COL14A1: variants seen among roughly 807,000 people sequenced by gnomAD.
The protein encoded by COL14A1 is collagen type XIV alpha 1 chain.
In COL14A1, 136 loss-of-function variants were observed where a neutral mutation model predicts 230.3. That is an observed-to-expected ratio of 0.59 (90% CI 0.51 to 0.68). The LOEUF (loss-of-function observed/expected upper bound fraction) is 0.68. COL14A1 is among the 30% of genes least tolerant of loss of function. COL14A1 has a pLI of 0.00. For synonymous variants in COL14A1, 792 were observed against 784.1 expected, an observed-to-expected ratio of 1.01 and a Z score of -0.17; for missense variants, 1,976 against 2,215.8, an observed-to-expected ratio of 0.89 and a Z score of 2.17.
chr8:120,156,170 A>C (rs1292103888), intron 2 of COL14A1, among the ~76,000 whole-genome samples: 1 of 84,320 alleles, frequency 1.2e-5, no homozygotes, highest in Non-Finnish European at 2.2e-5. Context: ...ATGAAGGGTG[A>C]CTTCTTTTTT....
chr8:120,184,496 C>T (rs1044258608), intron 5 of COL14A1, among the ~76,000 whole-genome samples: 1 of 152,066 alleles, frequency 6.6e-6, no homozygotes, highest in Non-Finnish European at 1.5e-5. Context: ...CTCAAGTGAC[C>T]TGCCCGCCTC....
At chr8:120,246,715 A>AT (rs1352616387) in intron 20 of COL14A1, among the ~76,000 whole-genome samples, 1 of 152,212 alleles carries the variant, frequency 6.6e-6, no homozygotes, top group African/African-American at 2.4e-5. Context: ...CTAAGCAGTG[A>AT]TTAAGGAGTG....
intron 46 of COL14A1, 92 bp from the exon 47 acceptor site, chr8:120,369,238 T>A (rs949776877): frequency 2.2e-6 from 3 of 1,350,332 alleles, no homozygotes; most frequent in Non-Finnish European, 2.9e-6. Flanking sequence ...TAAAAGTTGC[T>A]TCTTCTAAGA....
intron 45 of COL14A1, among the ~76,000 whole-genome samples, chr8:120,354,965 AC>A (rs1433355931): frequency 6.8e-6 from 1 of 147,190 alleles, no homozygotes; most frequent in African/African-American, 2.6e-5. Context: ...TCCCCATTAA[AC>A]CCTGTACTGT....
At chr8:120,188,735 AT>A (rs1215504746) in intron 5 of COL14A1, among the ~76,000 whole-genome samples, 1 of 152,206 alleles carries the variant, frequency 6.6e-6, no homozygotes, top group African/African-American at 2.4e-5. Context: ...CTTTGCTTTA[AT>A]TTTAAATACA....
At chr8:120,294,760 A>G (rs1820474018) in intron 34 of COL14A1, among the ~76,000 whole-genome samples, 1 of 151,854 alleles carries the variant, frequency 6.6e-6, no homozygotes, top group African/African-American at 2.4e-5. Flanking sequence ...CTAAACTATT[A>G]CAAGTGCAAA....
chr8:120,300,262 T>G (rs1820670146), intron 35 of COL14A1, among the ~76,000 whole-genome samples: 1 of 152,178 alleles, frequency 6.6e-6, no homozygotes, highest in Non-Finnish European at 1.5e-5. Context: ...TGATGAAGAG[T>G]TTAAACATTG....
In COL14A1 at chr8:120,315,456, AAAT is replaced by A. The variant is rs1821189168; in HGVS notation, c.4552-73_4552-71del. On this transcript the variant is annotated intron_variant, in intron 38 of 47. Coordinates refer to ENST00000297848, the MANE Select transcript of COL14A1 (RefSeq NM_021110.4). ...ACGCGATTTACTGTGGAAACTATTT[AAAT>A]AATGAGAGAAGGAAAAGAAAACGCT... 2.3e-5 allele frequency: 26 copies of A among 1,120,508 alleles called. No homozygotes were observed. In the South Asian group the frequency reaches 3.0e-4, roughly 13 times the overall value. 69.4% of individuals were successfully genotyped at this position (1,120,508 alleles called of 1,614,324 possible).
intron 9 of COL14A1, among the ~76,000 whole-genome samples, chr8:120,206,580 C>A (rs1028693137): frequency 2.0e-4 from 30 of 152,198 alleles, no homozygotes; most frequent in Admixed American, 1.0e-3. Flanking sequence ...AACTCCTGAC[C>A]TCAGGTGATC....
At position 120,332,815 on chromosome 8, in the gene COL14A1, TGTTA is replaced by T. The variant is rs1286554732; in HGVS notation, c.4785+83_4785+86del. On this transcript the variant is annotated intron_variant, in intron 42 of 47. Transcript: ENST00000297848. ...ATGTGTTTAAATTTACCAGCCTTTC[TGTTA>T]GTCAGAAATGTTTATTCAGCACTGG... is the stretch of plus-strand genomic sequence containing the variant. 6 of 1,151,926 alleles carry T rather than the reference TGTTA, an allele frequency of 5.2e-6. No individual in the cohort carries two copies. In the African/African-American group the frequency reaches 7.7e-5, roughly 15 times the overall value. 71.4% of individuals were successfully genotyped at this position (1,151,926 alleles called of 1,614,324 possible). A position where few individuals can be genotyped will look rare whatever the true frequency, so the allele number is the denominator to read the frequency against.
In COL14A1 at chr8:120,216,407, C is replaced by T. The variant is rs767026354; in HGVS notation, c.1654C>T (p.Arg552Ter). ...RISNVGSNSA[R>*]LTWDPTSRQI... ...CTCCAATGTTGGCTCTAACAGTGCT[C>T]GATTAACCTGGGACCCAACTTCAAG... Residue 552 changes from arginine (R) to a stop codon, truncating the protein, a stop_gained, in exon 14 of 48, where the codon CGA becomes TGA. Transcript: ENST00000297848. LOFTEE classifies it high-confidence loss of function. 8.7e-6 allele frequency: 14 copies of T among 1,613,694 alleles called. No individual in the cohort carries two copies. The highest frequency in any genetic ancestry group is 4.4e-5 in the South Asian group (4 of 91,008).
At chr8:120,294,207 C>CCACT (rs1820455683) in intron 34 of COL14A1, among the ~76,000 whole-genome samples, 1 of 151,506 alleles carries the variant, frequency 6.6e-6, no homozygotes, top group Non-Finnish European at 1.5e-5. Context: ...GAAAATGGAG[C>CCACT]CAGAGGTACA....
rs1326296077 is a variant in COL14A1, at chr8:120,250,632, T to G, written c.2618T>G (p.Leu873Arg). The change falls in exon 22 of 48, where the codon CTG becomes CGG. Residue 873 changes from leucine to arginine, a missense_variant. Physicochemically the swap from Leu to Arg is moderately radical, Grantham distance 102. This residue lies in a region of COL14A1 where 1,791 missense variants were observed against 2,019.5 expected (regional missense o/e 0.89). Transcript: ENST00000297848. Reference protein sequence around the residue: ...YKPVSVPGPTLETFVGADINT... With the variant: ...YKPVSVPGPTRETFVGADINT... ...TCTTCTTTAGTTCCTGGTCCAACAC[T>G]GGAAACGTTTGTGGGAGCTGACATT... 1 of 1,614,218 alleles carries G rather than the reference T, an allele frequency of 6.2e-7. No individual in the cohort carries two copies. Among genetic ancestry groups the G allele is most frequent in the African/African-American group, 1.3e-5 (1 of 75,072 alleles).
At chr8:120,142,815 TA>T (rs1382777382) in intron 1 of COL14A1, among the ~76,000 whole-genome samples, 5 of 152,234 alleles carry the variant, frequency 3.3e-5, no homozygotes, top group Admixed American at 3.3e-4. Flanking sequence ...AGTTGTATAC[TA>T]GACTGTGATT....
chr8:120,200,360 A>G (rs1221409177), intron 8 of COL14A1, among the ~76,000 whole-genome samples: 1 of 151,984 alleles, frequency 6.6e-6, no homozygotes, highest in Middle Eastern at 3.2e-3. Context: ...AGTCCAAATA[A>G]AATGCATTTA....
chr8:120,244,887 A>G (rs574502918), intron 20 of COL14A1, among the ~76,000 whole-genome samples: 1 of 152,200 alleles, frequency 6.6e-6, no homozygotes, highest in Non-Finnish European at 1.5e-5. Flanking sequence ...ATGGCTTCTC[A>G]CTGTACCCAG....
chr8:120,239,407 G>A (rs1818549249), intron 19 of COL14A1, among the ~76,000 whole-genome samples: 1 of 152,126 alleles, frequency 6.6e-6, no homozygotes, highest in African/African-American at 2.4e-5. Flanking sequence ...TCAATGGGAA[G>A]TTACTTTTAT....
chr8:120,318,341 G>A (rs1286205734), intron 40 of COL14A1, among the ~76,000 whole-genome samples: 1 of 152,110 alleles, frequency 6.6e-6, no homozygotes, highest in African/African-American at 2.4e-5. Flanking sequence ...GGAAGGAAGG[G>A]ATAAGAACAT....
intron 40 of COL14A1, among the ~76,000 whole-genome samples, chr8:120,316,435 C>T (rs931807950): frequency 6.6e-6 from 1 of 152,132 alleles, no homozygotes; most frequent in Non-Finnish European, 1.5e-5. Flanking sequence ...TGGTTCTTCT[C>T]ATCTGTTCAA....
Sources: gnomAD v4.1 joint callset for allele counts (sites outside exome capture counted in the v4.1 genomes callset) on GRCh38, gnomAD v4.1.1 for gene constraint, gnomAD v4.1.1 regional missense constraint, MANE v1.5 for transcripts, NCBI Gene and HGNC (gene_info 2026-07-23, HGNC 2026-07-21) for gene names.